The following CSMD2 variants were observed in gnomAD, a reference collection of about 807,000 sequenced individuals.
The protein encoded by CSMD2 is CUB and Sushi multiple domains 2.
Under a neutral mutation model 398.5 loss-of-function variants are expected in CSMD2, and 130 were observed. The observed-to-expected ratio is 0.33, with a 90% CI of 0.28 to 0.38. The LOEUF (loss-of-function observed/expected upper bound fraction) is 0.38, where lower values mean the gene tolerates loss of function less well. CSMD2 is among the 10% of genes least tolerant of loss of function. CSMD2 has a pLI of 1.00. For missense variants in CSMD2, 3,829 were observed against 4,764.9 expected, an observed-to-expected ratio of 0.80 and a Z score of 5.78; for synonymous variants, 1,828 against 1,908.5, an observed-to-expected ratio of 0.96 and a Z score of 1.10.
upstream of CSMD2, chr1:34,165,415 T>A: frequency 1.3e-6 from 1 of 752,066 alleles, no homozygotes; most frequent in Non-Finnish European, 1.9e-6. Flanking sequence ...AAGGATAAAA[T>A]ATTGGGGGGC....
intron 12 of CSMD2, among the ~76,000 whole-genome samples, chr1:33,775,255 G>A (rs1651820634): frequency 6.6e-6 from 1 of 152,152 alleles, no homozygotes; most frequent in South Asian, 2.1e-4. Flanking sequence ...CCAACCCTAT[G>A]CTCAGATCAC....
chr1:33,579,696 G>C (rs75033035), intron 48 of CSMD2, among the ~76,000 whole-genome samples: 5 of 132,112 alleles, frequency 3.8e-5, no homozygotes, highest in African/African-American at 1.5e-4. Context: ...TTTTTTTTTT[G>C]AGACAGAGTT....
At chr1:33,639,066 G>C (rs1642965570) in intron 29 of CSMD2, among the ~76,000 whole-genome samples, 1 of 152,174 alleles carries the variant, frequency 6.6e-6, no homozygotes, top group South Asian at 2.1e-4. Flanking sequence ...CTCAGCTGAG[G>C]GAAATGCTTA....
chr1:33,919,409 G>C (rs1643871555), intron 4 of CSMD2, among the ~76,000 whole-genome samples: 1 of 152,224 alleles, frequency 6.6e-6, no homozygotes, highest in African/African-American at 2.4e-5. Context: ...ATCTGGGCTA[G>C]AGATAAAAGT....
chr1:33,717,085 A>C (rs958664291), intron 19 of CSMD2, among the ~76,000 whole-genome samples: 1 of 152,058 alleles, frequency 6.6e-6, no homozygotes, highest in Non-Finnish European at 1.5e-5. Flanking sequence ...CAGGTAAGGG[A>C]AGGAAGAGTG....
At chr1:33,814,942 C>T (rs562097645) in intron 9 of CSMD2, among the ~76,000 whole-genome samples, 1 of 152,176 alleles carries the variant, frequency 6.6e-6, no homozygotes, top group South Asian at 2.1e-4. Context: ...GTCTGGACCT[C>T]AAGACCACTC....
intron 64 of CSMD2, among the ~76,000 whole-genome samples, chr1:33,532,047 T>G (rs934042894): frequency 2.0e-5 from 3 of 152,196 alleles, no homozygotes; most frequent in African/African-American, 7.2e-5. Context: ...AAAAGAAATT[T>G]CCAAGTGATA....
At chr1:33,763,707 G>A (rs1031922357) in intron 13 of CSMD2, among the ~76,000 whole-genome samples, 1 of 152,094 alleles carries the variant, frequency 6.6e-6, no homozygotes, top group Admixed American at 6.5e-5. Flanking sequence ...TGGATCCCAC[G>A]GGCTTGGTTC....
At chr1:34,083,738 GA>G (rs1244611847) in intron 2 of CSMD2, among the ~76,000 whole-genome samples, 1 of 152,128 alleles carries the variant, frequency 6.6e-6, no homozygotes, top group East Asian at 1.9e-4. Flanking sequence ...GCAACATGGT[GA>G]AACCCTGTCT....
At chr1:34,005,778 C>T (rs1034636874) in intron 3 of CSMD2, among the ~76,000 whole-genome samples, 1 of 152,224 alleles carries the variant, frequency 6.6e-6, no homozygotes, top group African/African-American at 2.4e-5. Context: ...GGCTCCTACT[C>T]CTCTGATACC....
At chr1:34,135,188 T>C (rs1413924783) in intron 1 of CSMD2, among the ~76,000 whole-genome samples, 1 of 151,898 alleles carries the variant, frequency 6.6e-6, no homozygotes, top group Non-Finnish European at 1.5e-5. Context: ...ATCAAATGCA[T>C]ATATCCTTTG....
chr1:33,673,302 T>C (rs531998485), intron 25 of CSMD2, among the ~76,000 whole-genome samples: 1 of 152,312 alleles, frequency 6.6e-6, no homozygotes, highest in East Asian at 1.9e-4. Flanking sequence ...GCACGAGAAC[T>C]ACGTGACGAA....
rs1415135228 is a variant in CSMD2 at position 33,865,393 on chromosome 1, T to C, written c.921-18397A>G. 2.5e-5 allele frequency among the ~76,000 whole-genome samples: 3 copies of C among 117,800 alleles called. No individual in the cohort carries two copies. In the Admixed American group the frequency reaches 2.7e-4, roughly 11 times the overall value. 77.3% of individuals were successfully genotyped at this position (117,800 alleles called of 152,430 possible). The stretch of plus-strand genomic sequence containing the variant: ...TAATCAGGAGGAGGCAAGGGGCAGA[T>C]TTTACCAAAAAAAAAAAAAAAAAGC... On this transcript the variant is annotated intron_variant, in intron 5 of 70. Coordinates refer to ENST00000373381, the MANE Select transcript of CSMD2 (RefSeq NM_001281956.2).
intron 56 of CSMD2, among the ~76,000 whole-genome samples, chr1:33,549,626 T>A (rs2148625385): frequency 6.6e-6 from 1 of 152,312 alleles, no homozygotes; most frequent in Middle Eastern, 3.4e-3. Flanking sequence ...GTCTGGGGAC[T>A]GGCGTTTCAA....
Position 33,559,240 on chromosome 1 carries a change from TACAGAACC to T in CSMD2, c.8554+52_8554+59del. 6.9e-7 allele frequency: 1 copy of T among 1,453,892 alleles called. No homozygotes were observed. The highest frequency in any genetic ancestry group is 9.2e-7 in the Non-Finnish European group (1 of 1,082,094). The allele number at this position is 1,453,892 out of a possible 1,614,324, so 90.1% of individuals were successfully genotyped here. ...AATTCACTGGCTTCTTTTTCTGAGC[TACAGAACC>T]ACATATAGCAGAGATGGTGGGGACT... On this transcript the variant is annotated intron_variant, in intron 54 of 70. Coordinates refer to ENST00000373381, the MANE Select transcript of CSMD2 (RefSeq NM_001281956.2). The surrounding 1 kb of genome is among the most constrained non-coding windows in gnomAD (Gnocchi z 4.0).
chr1:34,081,009 A>T (rs1033260211), intron 2 of CSMD2, among the ~76,000 whole-genome samples: 130 of 151,656 alleles, frequency 8.6e-4, no homozygotes, highest in African/African-American at 3.0e-3. Flanking sequence ...AAGGGATGTG[A>T]CCCAGACACC....
intron 3 of CSMD2, among the ~76,000 whole-genome samples, chr1:34,009,357 G>C (rs1166955231): frequency 6.6e-6 from 1 of 150,834 alleles, no homozygotes; most frequent in Non-Finnish European, 1.5e-5. Flanking sequence ...TCGGGGGTGG[G>C]GGAAGGTGGA....
rs59068586 is a variant in CSMD2 at position 33,581,529 on chromosome 1, CAAAAAAA to C, written c.7241-637_7241-631del. 1.2e-3 allele frequency among the ~76,000 whole-genome samples: 43 copies of C among 36,882 alleles called. No homozygotes were observed. In the South Asian group the frequency reaches 0.037, roughly 32 times the overall value. 24.2% of individuals were successfully genotyped at this position (36,882 alleles called of 152,430 possible). A position where few individuals can be genotyped will look rare whatever the true frequency, so the allele number is the denominator to read the frequency against. On this transcript the variant is annotated intron_variant, in intron 47 of 70. Coordinates refer to ENST00000373381, the MANE Select transcript of CSMD2 (RefSeq NM_001281956.2). ...TGGGTGACAGAGAAAGACTCAGTCT[CAAAAAAA>C]AAAAAAAAAAAAAAAAAAGAAAAGA...
At chr1:33,775,528 T>C (rs1229478834) in intron 12 of CSMD2, among the ~76,000 whole-genome samples, 1 of 152,168 alleles carries the variant, frequency 6.6e-6, no homozygotes, top group Non-Finnish European at 1.5e-5. Flanking sequence ...AATAACCCAA[T>C]AGTTATTGTC....
Sources: allele counts gnomAD v4.1 joint callset (sites outside exome capture counted in the v4.1 genomes callset), GRCh38; gene constraint gnomAD v4.1.1; non-coding constraint Gnocchi (gnomAD v3.1); transcripts MANE v1.5; gene names NCBI Gene and HGNC (gene_info 2026-07-23, HGNC 2026-07-21).